SLC6A4: variants seen among roughly 807,000 people sequenced by gnomAD.
SLC6A4 encodes sodium-dependent serotonin transporter.
In SLC6A4, 22 loss-of-function variants were observed where a neutral mutation model predicts 73.4. That is an observed-to-expected ratio of 0.30 (90% confidence interval 0.21 to 0.43). The LOEUF (loss-of-function observed/expected upper bound fraction) is 0.43, where lower values mean the gene tolerates loss of function less well. SLC6A4 is among the 20% of genes least tolerant of loss of function. The probability of loss-of-function intolerance (pLI) is 1.00; values close to 1 mark genes in which losing one functional copy is unlikely to be tolerated. For synonymous variants in SLC6A4, 270 were observed against 315.5 expected, an observed-to-expected ratio of 0.86 and a Z score of 1.53; for missense variants, 593 against 808.5, an observed-to-expected ratio of 0.73 and a Z score of 3.23.
chr17:30,209,360 G>A (rs1009358678), intron 11 of SLC6A4, 118 bp from the exon 12 acceptor site: 14 of 644,824 alleles, frequency 2.2e-5, no homozygotes, highest in Non-Finnish European at 3.0e-5. Context: ...ACCTGGGACC[G>A]AACGTGAGTA....
In SLC6A4 at chr17:30,221,917, C is replaced by A. The variant is rs138069918; in HGVS notation, c.42G>T (p.Ala14=). 6.2e-6 allele frequency: 10 copies of A among 1,614,066 alleles called. No homozygotes were observed. The highest frequency in any genetic ancestry group is 1.7e-5 in the Admixed American group (1 of 60,008). ...CCTGACAATCTTCTCCATCTTCACACGCTGATAGCTGCTTCTGAGAATTCA... is the reference window on the plus strand; with the variant it reads ...CCTGACAATCTTCTCCATCTTCACAAGCTGATAGCTGCTTCTGAGAATTCA... ...TPLNSQKQLS[A]CEDGEDCQEN... The change falls in exon 3 of 15, where the codon GCG becomes GCT. Residue 14 remains alanine, a synonymous_variant. Transcript: ENST00000650711.
chr17:30,201,543 C>T (rs548631723), intron 14 of SLC6A4, among the ~76,000 whole-genome samples: 1 of 152,340 alleles, frequency 6.6e-6, no homozygotes, highest in East Asian at 1.9e-4. Flanking sequence ...ACAGTTCCCA[C>T]CTCCAACCTT....
intron 11 of SLC6A4, 130 bp downstream of exon 11, chr17:30,210,385 G>T (rs1009482238): frequency 1.4e-5 from 13 of 934,182 alleles, no homozygotes; most frequent in Non-Finnish European, 1.9e-5. Flanking sequence ...CTTTTAATGG[G>T]AGTAACAACC....
chr17:30,218,645 C>T, intron 4 of SLC6A4, 152 bp downstream of exon 4: 1 of 771,430 alleles, frequency 1.3e-6, no homozygotes, highest in Non-Finnish European at 2.2e-6. Flanking sequence ...TTTCACACCA[C>T]TTACGCAGTC....
At chr17:30,215,192 A>ACC (rs1906530332) in intron 8 of SLC6A4, among the ~76,000 whole-genome samples, 2 of 151,908 alleles carry the variant, frequency 1.3e-5, no homozygotes, top group Admixed American at 1.3e-4. Flanking sequence ...ACAGGTGTGC[A>ACC]ACACCATGCC....
At chr17:30,198,626 A>ACTT (rs1358174912) in intron 14 of SLC6A4, 96 bp from the exon 15 acceptor site, 8 of 672,112 alleles carry the variant, frequency 1.2e-5, no homozygotes, top group African/African-American at 1.1e-4. Flanking sequence ...CTTAAATAAC[A>ACTT]CTTTAATAAC....
intron 1 of SLC6A4, among the ~76,000 whole-genome samples, chr17:30,234,443 T>C (rs2143016943): frequency 6.6e-6 from 1 of 152,330 alleles, no homozygotes; most frequent in South Asian, 2.1e-4. Flanking sequence ...CTCATCCATA[T>C]TGGAACGGTC....
At chr17:30,226,387 T>C (rs1013614729) in intron 1 of SLC6A4, among the ~76,000 whole-genome samples, 2 of 152,218 alleles carry the variant, frequency 1.3e-5, no homozygotes, top group South Asian at 4.1e-4. Flanking sequence ...TAGGCCCACA[T>C]GTGCTCGGCT....
intron 1 of SLC6A4, among the ~76,000 whole-genome samples, chr17:30,231,557 T>C (rs1001209014): frequency 9.2e-5 from 14 of 151,862 alleles, no homozygotes; most frequent in African/African-American, 2.9e-4. Flanking sequence ...ATATTACACA[T>C]AATATATCAA....
At chr17:30,215,952 G>A (rs1213425605) in intron 7 of SLC6A4, 130 bp downstream of exon 7, 19 of 844,798 alleles carry the variant, frequency 2.2e-5, no homozygotes, top group Non-Finnish European at 3.6e-5. Flanking sequence ...TGTATTTCTT[G>A]GTTAAAGTAT....
rs540998871 is a variant in SLC6A4, at chr17:30,223,936, C to G, written c.-220-1021G>C. Among the ~76,000 whole-genome samples, 759 of 152,204 alleles carry G rather than the reference C, an allele frequency of 5.0e-3. 4 individuals are homozygous for G. Among genetic ancestry groups the G allele is most frequent in the African/African-American group, 0.018 (731 of 41,532 alleles). On this transcript the variant is annotated intron_variant, in intron 1 of 14. Transcript: ENST00000650711. ...CATCCTCTCACCCACCATAGGTAAC[C>G]ATTTACCAGGCCAAGGGATATTATT... is the stretch of plus-strand genomic sequence containing the variant.
chr17:30,227,616 G>A (rs2143016203), intron 1 of SLC6A4, among the ~76,000 whole-genome samples: 1 of 152,242 alleles, frequency 6.6e-6, no homozygotes, highest in East Asian at 1.9e-4. Flanking sequence ...CTCCCGAGTA[G>A]CTGAGATTAC....
intron 13 of SLC6A4, among the ~76,000 whole-genome samples, chr17:30,205,464 C>T (rs1444583622): frequency 1.3e-5 from 2 of 152,150 alleles, no homozygotes; most frequent in African/African-American, 4.8e-5. Context: ...AAATTAATAA[C>T]CCATTTATGT....
intron 11 of SLC6A4, 35 bp from the exon 12 acceptor site, chr17:30,209,277 C>T (rs1395648181): frequency 7.4e-7 from 1 of 1,351,124 alleles, no homozygotes; most frequent in South Asian, 1.2e-5. Flanking sequence ...TGAGGGCCCT[C>T]CAAGGAGCCA....
chr17:30,214,267 A>G (rs905227174), intron 8 of SLC6A4, among the ~76,000 whole-genome samples: 1 of 151,718 alleles, frequency 6.6e-6, no homozygotes, highest in Admixed American at 6.6e-5. Flanking sequence ...TACTAAAAAT[A>G]CAAATTTAGC....
At position 30,221,859 on chromosome 17, in the gene SLC6A4, G is replaced by C. The variant is rs1331477421; in HGVS notation, c.100C>G (p.Pro34Ala). ...TGCCCGGACTCCACTTTGTCCCCTG[G>C]GGTGGGAACAACCTTCTGTAGAACT... Reference protein sequence around the residue: ...NGVLQKVVPTPGDKVESGQIS... With the variant: ...NGVLQKVVPTAGDKVESGQIS... The change falls in exon 3 of 15, where the codon CCA (proline) becomes GCA (alanine). Residue 34 changes from proline (P) to alanine (A), a missense_variant. Coordinates refer to ENST00000650711, the MANE Select transcript of SLC6A4 (RefSeq NM_001045.6). 6.2e-7 allele frequency: 1 copy of C among 1,614,098 alleles called. No homozygotes were observed. Among genetic ancestry groups the C allele is most frequent in the South Asian group, 1.1e-5 (1 of 91,076 alleles).
chr17:30,210,531 A>T lies in SLC6A4; in HGVS notation c.1433T>A (p.Leu478Gln). ...GATACTCACAAAAGTCAGGGTGACC[A>T]GGGATCCAAAGAAGCAGGTGATGAC... ...AVVITCFFGS[L>Q]VTLTFGGAYV... Residue 478 changes from leucine (L) to glutamine (Q), a missense_variant, in exon 11 of 15, where the codon CTG becomes CAG. Leu to Gln is a moderately radical substitution (Grantham distance 113). Transcript: ENST00000650711. 3 of 1,613,844 alleles carry T rather than the reference A, an allele frequency of 1.9e-6. No homozygotes were observed. Among genetic ancestry groups the T allele is most frequent in the Non-Finnish European group, 2.5e-6 (3 of 1,179,884 alleles).
chr17:30,226,840 T>C (rs1459579865), intron 1 of SLC6A4, among the ~76,000 whole-genome samples: 1 of 137,986 alleles, frequency 7.2e-6, no homozygotes, highest in Non-Finnish European at 1.5e-5. Flanking sequence ...CAAACTGCGC[T>C]CCAGCCTGGG....
chr17:30,222,177 C>A (rs34102420), intron 2 of SLC6A4, 96 bp from the exon 3 acceptor site: 5 of 746,686 alleles, frequency 6.7e-6, no homozygotes, highest in African/African-American at 1.8e-5. Context: ...CATTAGTTAA[C>A]GGGATTACAA....
Sources: allele counts gnomAD v4.1 joint callset (sites outside exome capture counted in the v4.1 genomes callset), GRCh38; gene constraint gnomAD v4.1.1; transcripts MANE v1.5; gene names NCBI Gene and HGNC (gene_info 2026-07-23, HGNC 2026-07-21).